Variants in TASP1 observed in about 807,000 individuals in gnomAD.
TASP1 encodes the protein taspase 1, also known as threonine aspartase 1.
TASP1 carries 16 observed loss-of-function variants against 56.6 expected under a neutral mutation model. That is an observed-to-expected ratio of 0.28 (90% CI 0.19 to 0.43). The LOEUF (loss-of-function observed/expected upper bound fraction) is 0.43. TASP1 is among the 20% of genes least tolerant of loss of function. The pLI, the probability that TASP1 is intolerant of heterozygous loss-of-function variation, is 1.00. For synonymous variants in TASP1, 179 were observed against 184.2 expected, an observed-to-expected ratio of 0.97 and a Z score of 0.23; for missense variants, 393 against 511.6, an observed-to-expected ratio of 0.77 and a Z score of 2.24.
At chr20:13,183,623 C>T in the TASP1 span, among the ~76,000 whole-genome samples, 1 of 152,080 alleles carries the variant, frequency 6.6e-6, no homozygotes, top group Non-Finnish European at 1.5e-5. Context: ...GAGAATTTTA[C>T]AAATAATTCT....
At chr20:13,339,939 G>A in the TASP1 span, among the ~76,000 whole-genome samples, 1 of 151,954 alleles carries the variant, frequency 6.6e-6, no homozygotes, top group Admixed American at 6.6e-5. Context: ...GAAACACAAA[G>A]TATGTCTGTT....
At chr20:13,561,729 C>T (rs912933002) in intron 7 of TASP1, among the ~76,000 whole-genome samples, 3 of 151,970 alleles carry the variant, frequency 2.0e-5, no homozygotes, top group African/African-American at 7.3e-5. Context: ...TTGAGACAGA[C>T]AATGGGAAAA....
chr20:13,448,747 A>C (rs1358355700), intron 11 of TASP1, among the ~76,000 whole-genome samples: 2 of 152,088 alleles, frequency 1.3e-5, no homozygotes, highest in East Asian at 3.9e-4. Context: ...TTTTTTTCAC[A>C]GTCAGTTCTT....
chr20:13,117,776 G>A, the TASP1 span: 1 of 1,502,084 alleles, frequency 6.7e-7, no homozygotes, highest in Non-Finnish European at 9.0e-7. Flanking sequence ...CCCTGGGGAT[G>A]CCGTGTGTAG....
At chr20:13,533,908 C>A in intron 9 of TASP1, 114 bp downstream of exon 9, 1 of 1,245,482 alleles carries the variant, frequency 8.0e-7, no homozygotes, top group Non-Finnish European at 1.1e-6. Context: ...TGTTAAAAAA[C>A]AATGACATTC....
chr20:13,465,579 A>G (rs2044224378), intron 11 of TASP1, among the ~76,000 whole-genome samples: 1 of 152,088 alleles, frequency 6.6e-6, no homozygotes, highest in Non-Finnish European at 1.5e-5. Context: ...AAATAGAAAC[A>G]ACCCAGATGT....
At chr20:13,418,228 C>G (rs955007301) in intron 12 of TASP1, among the ~76,000 whole-genome samples, 1 of 152,160 alleles carries the variant, frequency 6.6e-6, no homozygotes, top group African/African-American at 2.4e-5. Context: ...TTCTAAATAC[C>G]ATTCTCTACG....
intron 8 of TASP1, among the ~76,000 whole-genome samples, chr20:13,547,903 G>A (rs1200418848): frequency 1.3e-5 from 2 of 152,116 alleles, no homozygotes; most frequent in East Asian, 3.8e-4. Flanking sequence ...TGTCCTCCTG[G>A]AACCTCATTC....
At chr20:13,387,870 T>C (rs144556870), downstream of TASP1, among the ~76,000 whole-genome samples, 20 of 152,360 alleles carry the variant, frequency 1.3e-4, no homozygotes, top group Non-Finnish European at 2.8e-4. Context: ...TAGGCAGACA[T>C]ACTGAAGGCA....
At chr20:13,502,416 T>C (rs2043978756) in intron 10 of TASP1, among the ~76,000 whole-genome samples, 1 of 152,054 alleles carries the variant, frequency 6.6e-6, no homozygotes, top group South Asian at 2.1e-4. Flanking sequence ...GGCAACTATA[T>C]GGACAATTAT....
rs549428011 is a variant in TASP1, at chr20:13,632,087, G to T, written c.-74-1935C>A. ...GTACAGATTTCCTTATTTTTTGGCCGGGCACAGTGACTCACGCCTGTAATC... is the reference window on the plus strand; with the variant it reads ...GTACAGATTTCCTTATTTTTTGGCCTGGCACAGTGACTCACGCCTGTAATC... On this transcript the variant is annotated intron_variant, in intron 1 of 13. Transcript: ENST00000337743. Among the ~76,000 whole-genome samples, 3 of 146,860 alleles carry T rather than the reference G, an allele frequency of 2.0e-5. No individual in the cohort carries two copies. The Admixed American group carries it at 2.0e-4, about 10-fold the overall frequency.
chr20:13,345,727 T>G, the TASP1 span, among the ~76,000 whole-genome samples: 1 of 152,194 alleles, frequency 6.6e-6, no homozygotes, highest in Middle Eastern at 3.4e-3. Flanking sequence ...AGATGCTTGT[T>G]CGCTGAGCCA....
chr20:13,122,245 G>A, the TASP1 span, among the ~76,000 whole-genome samples: 1 of 152,196 alleles, frequency 6.6e-6, no homozygotes, highest in Admixed American at 6.5e-5. Context: ...GGAAGTTTCA[G>A]TCCCTTTTGG....
chr20:13,452,049 G>GA (rs2043641304), intron 11 of TASP1, among the ~76,000 whole-genome samples: 17 of 152,004 alleles, frequency 1.1e-4, no homozygotes, highest in Admixed American at 1.1e-3. Flanking sequence ...ATTACACACA[G>GA]GTTTACAGTC....
the TASP1 span, among the ~76,000 whole-genome samples, chr20:13,310,453 A>G: frequency 6.6e-6 from 1 of 151,842 alleles, no homozygotes; most frequent in Non-Finnish European, 1.5e-5. Context: ...TAAATATAAG[A>G]CCTAAAACTG....
intron 13 of TASP1, among the ~76,000 whole-genome samples, chr20:13,403,617 T>G (rs1357345345): frequency 6.6e-6 from 1 of 152,226 alleles, no homozygotes; most frequent in East Asian, 1.9e-4. Context: ...ACTCCAGGAT[T>G]GAAATCCAAG....
chr20:13,408,576 T>C (rs1360951996), intron 13 of TASP1, among the ~76,000 whole-genome samples: 1 of 152,208 alleles, frequency 6.6e-6, no homozygotes, highest in Non-Finnish European at 1.5e-5. Context: ...AAGATTAATG[T>C]TATTTCTTCC....
chr20:13,195,015 T>C, the TASP1 span, among the ~76,000 whole-genome samples: 1 of 152,154 alleles, frequency 6.6e-6, no homozygotes, highest in Non-Finnish European at 1.5e-5. Context: ...CCTGCATTGC[T>C]TCTCTACCAT....
chr20:13,175,358 T>C, the TASP1 span, among the ~76,000 whole-genome samples: 1 of 152,220 alleles, frequency 6.6e-6, no homozygotes, highest in Non-Finnish European at 1.5e-5. Flanking sequence ...CCTGAAATCA[T>C]AAGCTGTAAT....
Sources: allele counts gnomAD v4.1 joint callset (sites outside exome capture counted in the v4.1 genomes callset), GRCh38; gene constraint gnomAD v4.1.1; transcripts MANE v1.5; gene names NCBI Gene and HGNC (gene_info 2026-07-23, HGNC 2026-07-21).